The following TBC1D22A variants were observed in gnomAD, a reference collection of about 807,000 sequenced individuals.
TBC1D22A encodes putative GTPase activator.
TBC1D22A carries 38 observed loss-of-function variants against 60.2 expected under a neutral mutation model. The ratio of observed to expected loss-of-function variants is 0.63; its 90% CI spans 0.49 to 0.83. The LOEUF is 0.83. Among genes scored for constraint, TBC1D22A ranks in the 40% least tolerant of loss-of-function variants. TBC1D22A has a pLI of 0.00. For missense variants in TBC1D22A, 628 were observed against 701.0 expected (o/e 0.90, Z 1.18); for synonymous variants, 302 against 281.7 (o/e 1.07, Z -0.72).
At chr22:46,791,258 G>A (rs899997904) in intron 1 of TBC1D22A, among the ~76,000 whole-genome samples, 1 of 152,196 alleles carries the variant, frequency 6.6e-6, no homozygotes, top group Non-Finnish European at 1.5e-5. Context: ...CTGAGCTCAA[G>A]CGATCCGCCC....
intron 8 of TBC1D22A, among the ~76,000 whole-genome samples, chr22:46,955,920 T>A (rs373250455): frequency 3.3e-5 from 5 of 152,296 alleles, no homozygotes; most frequent in East Asian, 3.9e-4. Context: ...AATGTTTGCA[T>A]GAGTTGAGGC....
intron 4 of TBC1D22A, among the ~76,000 whole-genome samples, chr22:46,822,310 G>A (rs1476527421): frequency 3.9e-5 from 6 of 152,000 alleles, no homozygotes; most frequent in Admixed American, 3.3e-4. Flanking sequence ...ATTTGGAGGA[G>A]ATGAGGCACT....
chr22:46,993,563 T>C (rs1456012131), intron 9 of TBC1D22A, among the ~76,000 whole-genome samples: 1 of 152,220 alleles, frequency 6.6e-6, no homozygotes, highest in African/African-American at 2.4e-5. Context: ...GCACAGGTGA[T>C]CTGGGTGCCA....
At chr22:47,144,514 C>A (rs950537496) in intron 12 of TBC1D22A, among the ~76,000 whole-genome samples, 14 of 152,274 alleles carry the variant, frequency 9.2e-5, no homozygotes, top group Non-Finnish European at 1.8e-4. Context: ...TCCTTGGCCC[C>A]TGTGCTTACT....
At chr22:47,016,753 G>A (rs1024688190) in intron 10 of TBC1D22A, among the ~76,000 whole-genome samples, 1 of 152,186 alleles carries the variant, frequency 6.6e-6, no homozygotes, top group African/African-American at 2.4e-5. Context: ...AGTCACAGCC[G>A]TATTCGTTTC....
chr22:47,120,149 A>T (rs1018363728), intron 12 of TBC1D22A, among the ~76,000 whole-genome samples: 4 of 152,240 alleles, frequency 2.6e-5, no homozygotes, highest in Non-Finnish European at 5.9e-5. Context: ...TATCCTATCA[A>T]TAAACCAGAG....
intron 12 of TBC1D22A, among the ~76,000 whole-genome samples, chr22:47,137,835 T>G (rs2066930505): frequency 1.3e-5 from 2 of 148,774 alleles, no homozygotes; most frequent in Non-Finnish European, 1.5e-5. Flanking sequence ...GAGTAGGGAG[T>G]GGGGAGTGGG....
intron 12 of TBC1D22A, among the ~76,000 whole-genome samples, chr22:47,114,835 T>G (rs868321400): frequency 6.6e-6 from 1 of 152,136 alleles, no homozygotes; most frequent in South Asian, 2.1e-4. Flanking sequence ...GCCAAGCAGT[T>G]CAGGGGCCAG....
intron 8 of TBC1D22A, among the ~76,000 whole-genome samples, chr22:46,966,820 G>A (rs1302562887): frequency 6.6e-6 from 1 of 152,194 alleles, no homozygotes; most frequent in South Asian, 2.1e-4. Flanking sequence ...CCCAGGCCCC[G>A]AGGCCTCCTG....
At chr22:46,774,150 C>G in intron 1 of TBC1D22A, 1 of 985,654 alleles carries the variant, frequency 1.0e-6, no homozygotes, top group Non-Finnish European at 1.2e-6. Context: ...TGGAGCCCTG[C>G]TGAGCTCAGC....
chr22:46,840,320 A>G (rs1260779250), intron 4 of TBC1D22A, among the ~76,000 whole-genome samples: 1 of 152,252 alleles, frequency 6.6e-6, no homozygotes, highest in Non-Finnish European at 1.5e-5. Flanking sequence ...GACATTTCTC[A>G]AAAGAAGACA....
intron 4 of TBC1D22A, among the ~76,000 whole-genome samples, chr22:46,810,149 C>T (rs1335284102): frequency 6.6e-6 from 1 of 152,186 alleles, no homozygotes; most frequent in Non-Finnish European, 1.5e-5. Flanking sequence ...TGGGGCTCAC[C>T]ACTTGCAGTT....
chr22:46,976,403 C>CAACTCA (rs2074296699), intron 9 of TBC1D22A, among the ~76,000 whole-genome samples: 1 of 152,208 alleles, frequency 6.6e-6, no homozygotes, highest in Non-Finnish European at 1.5e-5. Context: ...TGAGGGATGT[C>CAACTCA]AGTTCCCACC....
At chr22:46,994,777 A>G (rs918752766) in intron 9 of TBC1D22A, among the ~76,000 whole-genome samples, 4 of 152,196 alleles carry the variant, frequency 2.6e-5, no homozygotes, top group Non-Finnish European at 4.4e-5. Flanking sequence ...GTTAAATTAC[A>G]TGATGTAAAC....
intron 4 of TBC1D22A, among the ~76,000 whole-genome samples, chr22:46,863,422 C>G (rs2066907101): frequency 1.3e-5 from 2 of 152,122 alleles, no homozygotes; most frequent in African/African-American, 4.8e-5. Context: ...CATACTAATT[C>G]CCAATTGACC....
At chr22:47,085,648 T>C (rs534117402) in intron 11 of TBC1D22A, among the ~76,000 whole-genome samples, 1 of 152,280 alleles carries the variant, frequency 6.6e-6, no homozygotes, top group African/African-American at 2.4e-5. Flanking sequence ...TAAAACAATA[T>C]TAAATATATA....
At chr22:47,007,737 G>A (rs748065804) in intron 10 of TBC1D22A, among the ~76,000 whole-genome samples, 11 of 152,114 alleles carry the variant, frequency 7.2e-5, no homozygotes, top group Non-Finnish European at 1.3e-4. Flanking sequence ...GAGCAAGCAG[G>A]AGCTCTCTGC....
chr22:46,877,464 G>A (rs565589593), intron 4 of TBC1D22A, among the ~76,000 whole-genome samples: 7 of 152,112 alleles, frequency 4.6e-5, no homozygotes, highest in African/African-American at 1.7e-4. Context: ...GAACATGGTC[G>A]GTAAACATTA....
intron 8 of TBC1D22A, among the ~76,000 whole-genome samples, chr22:46,944,323 C>G (rs932658414): frequency 6.6e-6 from 1 of 152,180 alleles, no homozygotes; most frequent in Admixed American, 6.5e-5. Context: ...TCTTCATCGG[C>G]AATTACATTT....
Sources: allele counts gnomAD v4.1 joint callset (sites outside exome capture counted in the v4.1 genomes callset), GRCh38; gene constraint gnomAD v4.1.1; transcripts MANE v1.5; gene names NCBI Gene and HGNC (gene_info 2026-07-23, HGNC 2026-07-21).